The following TYW1B variants were observed in gnomAD, a reference collection of about 807,000 sequenced individuals.
The protein encoded by TYW1B is tRNA-yW synthesizing protein 1 homolog B, also known as S-adenosyl-L-methionine-dependent tRNA 4-demethylwyosine synthase TYW1B.
A neutral mutation model predicts 86.9 loss-of-function variants in TYW1B; 73 were observed. The ratio of observed to expected loss-of-function variants is 0.84; its 90% CI spans 0.70 to 1.02. The LOEUF is 1.02. TYW1B is among the 50% of genes least tolerant of loss of function. TYW1B has a pLI of 0.00. For missense variants in TYW1B, 637 were observed against 827.4 expected, an observed-to-expected ratio of 0.77 and a Z score of 2.82; for synonymous variants, 248 against 292.8, an observed-to-expected ratio of 0.85 and a Z score of 1.56.
chr7:72,681,841 T>C (rs1348046624), intron 11 of TYW1B, among the ~76,000 whole-genome samples: 2 of 151,736 alleles, frequency 1.3e-5, no homozygotes, highest in African/African-American at 4.8e-5. Context: ...CACCTCAGTC[T>C]CCCAAAGTGC....
chr7:72,753,712 C>T (rs1253707808), intron 7 of TYW1B, among the ~76,000 whole-genome samples: 3 of 152,018 alleles, frequency 2.0e-5, no homozygotes, highest in South Asian at 2.1e-4. Context: ...AACTCCTGAT[C>T]TCGTGATCCA....
chr7:72,642,774 G>A (rs1338362137), intron 11 of TYW1B, among the ~76,000 whole-genome samples: 1 of 152,156 alleles, frequency 6.6e-6, no homozygotes, highest in Non-Finnish European at 1.5e-5. Context: ...GGTGGAGGGT[G>A]CCTGTAGTCC....
intron 13 of TYW1B, among the ~76,000 whole-genome samples, chr7:72,586,444 T>C (rs1304488791): frequency 6.6e-6 from 1 of 152,210 alleles, no homozygotes; most frequent in Non-Finnish European, 1.5e-5. Context: ...GCAGAGAATA[T>C]CTGGTGTGGG....
intron 8 of TYW1B, among the ~76,000 whole-genome samples, chr7:72,738,404 C>T (rs1787239031): frequency 6.6e-6 from 1 of 152,238 alleles, no homozygotes; most frequent in East Asian, 1.9e-4. Flanking sequence ...TGTTTCAATG[C>T]TGCCATGTTT....
At chr7:72,781,588 G>A (rs1312596272) in intron 6 of TYW1B, among the ~76,000 whole-genome samples, 2 of 152,076 alleles carry the variant, frequency 1.3e-5, no homozygotes, top group South Asian at 2.1e-4. Context: ...ATCCAGCAGT[G>A]AGCCCACTGC....
chr7:72,630,211 G>A (rs1554439642), intron 11 of TYW1B, among the ~76,000 whole-genome samples: 2 of 152,134 alleles, frequency 1.3e-5, no homozygotes. Flanking sequence ...CCTGGGAGGT[G>A]AAGGTTGCAG....
chr7:72,624,477 T>A (rs1367221841), intron 12 of TYW1B, among the ~76,000 whole-genome samples: 1 of 152,226 alleles, frequency 6.6e-6, no homozygotes, highest in African/African-American at 2.4e-5. Flanking sequence ...TGGAACTGCA[T>A]AATAAATATT....
At chr7:72,761,233 T>A (rs1274560635) in intron 7 of TYW1B, among the ~76,000 whole-genome samples, 4 of 152,128 alleles carry the variant, frequency 2.6e-5, no homozygotes, top group Non-Finnish European at 5.9e-5. Context: ...TTCTAAAAAT[T>A]ATAAAATGGT....
chr7:72,608,842 C>G (rs1452260583), intron 13 of TYW1B, among the ~76,000 whole-genome samples: 1 of 152,146 alleles, frequency 6.6e-6, no homozygotes, highest in Non-Finnish European at 1.5e-5. Flanking sequence ...TAGTTGGTAT[C>G]GGACTACAAA....
At chr7:72,768,349 C>T (rs1554468937) in intron 7 of TYW1B, among the ~76,000 whole-genome samples, 1 of 152,110 alleles carries the variant, frequency 6.6e-6, no homozygotes, top group Non-Finnish European at 1.5e-5. Flanking sequence ...CCGAAGAGCT[C>T]CTGCCACCGC....
intron 2 of TYW1B, among the ~76,000 whole-genome samples, chr7:72,825,101 C>CAAA (rs58039217): frequency 1.3e-5 from 1 of 74,996 alleles, no homozygotes; most frequent in East Asian, 2.9e-4. Flanking sequence ...ACCCTGTCTC[C>CAAA]AAAAAAAAAA....
At chr7:72,669,809 C>A (rs1813551753) in intron 11 of TYW1B, among the ~76,000 whole-genome samples, 1 of 151,864 alleles carries the variant, frequency 6.6e-6, no homozygotes, top group African/African-American at 2.4e-5. Context: ...ATAATAACAG[C>A]ACTGGCTGGA....
At chr7:72,608,018 C>T (rs1159547382) in intron 13 of TYW1B, among the ~76,000 whole-genome samples, 3 of 152,172 alleles carry the variant, frequency 2.0e-5, no homozygotes, top group Non-Finnish European at 2.9e-5. Flanking sequence ...GATTTTTCAT[C>T]AGATACCAGA....
intron 6 of TYW1B, among the ~76,000 whole-genome samples, chr7:72,793,364 T>A (rs1489841884): frequency 9.9e-5 from 15 of 151,666 alleles, no homozygotes; most frequent in South Asian, 2.1e-4. Flanking sequence ...AAAAATAAAT[T>A]AATTAATTAA....
At chr7:72,620,565 G>A (rs1170082634) in intron 12 of TYW1B, among the ~76,000 whole-genome samples, 8 of 152,034 alleles carry the variant, frequency 5.3e-5, no homozygotes, top group East Asian at 1.9e-4. Flanking sequence ...CAGGGACCCC[G>A]AGCTCTCACT....
At chr7:72,684,884 G>A (rs781818799) in intron 11 of TYW1B, among the ~76,000 whole-genome samples, 1 of 152,078 alleles carries the variant, frequency 6.6e-6, no homozygotes, top group Non-Finnish European at 1.5e-5. Flanking sequence ...GCCGAGGAAG[G>A]CGGATCACTT....
chr7:72,657,448 A>C (rs1192669686), intron 11 of TYW1B, among the ~76,000 whole-genome samples: 7 of 152,168 alleles, frequency 4.6e-5, no homozygotes, highest in African/African-American at 1.7e-4. Flanking sequence ...ATAGTTTAAA[A>C]TTTCTCCAAG....
chr7:72,639,648 G>C (rs180764361), intron 11 of TYW1B, among the ~76,000 whole-genome samples: 1,801 of 152,218 alleles, frequency 0.012, 38 homozygotes, highest in African/African-American at 0.041. Context: ...CAGATCCCCT[G>C]AGGTCAGGAG....
chr7:72,578,206 C>T (rs1311854849), intron 13 of TYW1B, among the ~76,000 whole-genome samples: 2 of 151,860 alleles, frequency 1.3e-5, no homozygotes, highest in Non-Finnish European at 2.9e-5. Context: ...CTCTGCCTCC[C>T]GGGTTCTTGC....
Sources: allele counts gnomAD v4.1 joint callset (sites outside exome capture counted in the v4.1 genomes callset), GRCh38; gene constraint gnomAD v4.1.1; transcripts MANE v1.5; gene names NCBI Gene and HGNC (gene_info 2026-07-23, HGNC 2026-07-21).